The following TSHR variants were observed in gnomAD, a reference collection of about 807,000 sequenced individuals.
TSHR encodes thyroid stimulating hormone receptor.
In TSHR, 51 loss-of-function variants were observed where a neutral mutation model predicts 64.1. The observed-to-expected ratio is 0.80, with a 90% CI of 0.64 to 1.01. TSHR has a LOEUF of 1.01. TSHR is among the 50% of genes least tolerant of loss of function. TSHR has a pLI of 0.00. For synonymous variants in TSHR, 361 were observed against 361.9 expected (o/e 1.00, Z 0.03); for missense variants, 877 against 942.8 (o/e 0.93, Z 0.91).
At chr14:81,009,220 T>C (rs1889779859) in intron 1 of TSHR, among the ~76,000 whole-genome samples, 1 of 152,210 alleles carries the variant, frequency 6.6e-6, no homozygotes, top group Non-Finnish European at 1.5e-5. Context: ...TGATTTGTCC[T>C]ATGTATGAGA....
intron 8 of TSHR, among the ~76,000 whole-genome samples, chr14:81,136,116 G>A (rs1241057012): frequency 6.6e-6 from 1 of 152,176 alleles, no homozygotes; most frequent in Non-Finnish European, 1.5e-5. Context: ...GACCTTAAAG[G>A]GCATGGTAGG....
chr14:81,006,571 G>A (rs117917762), intron 1 of TSHR, among the ~76,000 whole-genome samples: 4 of 151,820 alleles, frequency 2.6e-5, no homozygotes, highest in African/African-American at 9.7e-5. Context: ...AGAGCGCAGT[G>A]GTGCAATCTT....
intron 3 of TSHR, among the ~76,000 whole-genome samples, chr14:81,086,590 C>G (rs1566803891): frequency 6.6e-6 from 1 of 152,166 alleles, no homozygotes; most frequent in African/African-American, 2.4e-5. Flanking sequence ...TTAATCCTCA[C>G]AAAAGCCCCA....
intron 1 of TSHR, among the ~76,000 whole-genome samples, chr14:81,024,100 C>G (rs187199279): frequency 1.3e-5 from 2 of 152,092 alleles, no homozygotes; most frequent in African/African-American, 2.4e-5. Flanking sequence ...ATTTTTAAAA[C>G]CAAACATCTT....
intron 1 of TSHR, among the ~76,000 whole-genome samples, chr14:81,057,763 AG>A (rs1330266416): frequency 6.6e-6 from 1 of 152,224 alleles, no homozygotes; most frequent in African/African-American, 2.4e-5. Context: ...GGAGGCAAAT[AG>A]GACACACAAG....
chr14:81,057,277 G>C (rs1324560426), intron 1 of TSHR, among the ~76,000 whole-genome samples: 1 of 152,114 alleles, frequency 6.6e-6, no homozygotes. Flanking sequence ...TGGGTGTGGT[G>C]GTGGGTGCCT....
In TSHR at chr14:81,144,182, G is replaced by T. The variant is rs145012289; in HGVS notation, c.2124G>T (p.Gly708=). Residue 708 remains glycine, a synonymous_variant, in exon 10 of 10, where the codon GGG becomes GGT. Coordinates refer to ENST00000298171, the MANE Select transcript of TSHR (RefSeq NM_000369.5). The stretch of plus-strand genomic sequence containing the variant: ...AACGCCAGGCTCAGGCATACCGGGG[G>T]CAGAGGGTTCCTCCAAAGAACAGCA... The part of the protein sequence containing the change: ...ICKRQAQAYR[G]QRVPPKNSTD... 298 of 1,613,920 alleles carry T rather than the reference G, an allele frequency of 1.8e-4. No homozygotes were observed. In the African/African-American group the frequency reaches 3.3e-3, roughly 18 times the overall value.
chr14:81,142,590 GT>G (rs1891736122), intron 9 of TSHR, among the ~76,000 whole-genome samples: 1 of 147,390 alleles, frequency 6.8e-6, no homozygotes, highest in Non-Finnish European at 1.5e-5. Flanking sequence ...CCATTCGTGG[GT>G]TTTAAACAAG....
intron 8 of TSHR, among the ~76,000 whole-genome samples, chr14:81,114,167 G>C (rs1192170136): frequency 5.9e-5 from 9 of 152,036 alleles, no homozygotes; most frequent in African/African-American, 1.4e-4. Context: ...TATCACTGGG[G>C]GGGAGGAGCC....
At chr14:80,986,547 C>T (rs557055428) in intron 1 of TSHR, among the ~76,000 whole-genome samples, 61 of 152,130 alleles carry the variant, frequency 4.0e-4, no homozygotes, top group Middle Eastern at 3.4e-3. Flanking sequence ...AGTGTAATGG[C>T]GCAGTCTCGG....
At chr14:81,012,137 G>A (rs1292316974) in intron 1 of TSHR, 1 of 142,442 alleles carries the variant, frequency 7.0e-6, no homozygotes, top group Non-Finnish European at 1.5e-5. Flanking sequence ...TCCCCTTCCT[G>A]TGTCCATATG....
chr14:81,080,026 C>T (rs894307787), intron 3 of TSHR, among the ~76,000 whole-genome samples: 12 of 152,118 alleles, frequency 7.9e-5, no homozygotes, highest in Non-Finnish European at 2.9e-5. Flanking sequence ...AATCTCAGCT[C>T]ACTGCAACCT....
At chr14:81,019,433 G>A (rs999336899) in intron 1 of TSHR, among the ~76,000 whole-genome samples, 2 of 144,878 alleles carry the variant, frequency 1.4e-5, no homozygotes, top group African/African-American at 5.1e-5. Context: ...ATGTGGATAT[G>A]TTAGTGCAAG....
At chr14:81,070,283 C>T (rs1423965344) in intron 3 of TSHR, among the ~76,000 whole-genome samples, 1 of 152,020 alleles carries the variant, frequency 6.6e-6, no homozygotes, top group Admixed American at 6.6e-5. Context: ...AAAGCTACAT[C>T]GAGGCACATC....
intron 7 of TSHR, among the ~76,000 whole-genome samples, chr14:81,106,403 G>A (rs1364094305): frequency 6.6e-6 from 1 of 152,132 alleles, no homozygotes; most frequent in Non-Finnish European, 1.5e-5. Flanking sequence ...CTGTCTTGAT[G>A]AAAAAGTATG....
intron 1 of TSHR, among the ~76,000 whole-genome samples, chr14:81,006,220 G>C (rs926249780): frequency 2.0e-5 from 3 of 152,312 alleles, no homozygotes; most frequent in South Asian, 2.1e-4. Context: ...TCGCTTGCTA[G>C]TGCTGCTGTC....
intron 2 of TSHR, among the ~76,000 whole-genome samples, chr14:81,063,517 C>G (rs1886387305): frequency 6.6e-6 from 1 of 152,122 alleles, no homozygotes; most frequent in Non-Finnish European, 1.5e-5. Flanking sequence ...TTAACAGCAC[C>G]ACTGTAGCAT....
At chr14:81,060,254 T>G (rs747240205) in intron 1 of TSHR, among the ~76,000 whole-genome samples, 62 of 152,220 alleles carry the variant, frequency 4.1e-4, no homozygotes, top group Non-Finnish European at 7.2e-4. Context: ...TCAATCGCCT[T>G]GGGTGATACT....
chr14:81,001,884 G>T, intron 1 of TSHR: 1 of 216,354 alleles, frequency 4.6e-6, no homozygotes, highest in South Asian at 7.4e-5. Context: ...TTTTCACAAA[G>T]GAACAGATGT....
Sources: allele counts gnomAD v4.1 joint callset (sites outside exome capture counted in the v4.1 genomes callset), GRCh38; gene constraint gnomAD v4.1.1; transcripts MANE v1.5; gene names NCBI Gene and HGNC (gene_info 2026-07-23, HGNC 2026-07-21).